Variants in PIK3R6 observed in about 807,000 individuals in gnomAD.
PIK3R6 encodes phosphoinositide-3-kinase regulatory subunit 6, also known as phosphoinositide 3-kinase regulatory subunit 6.
Under a neutral mutation model 84.9 loss-of-function variants are expected in PIK3R6, and 91 were observed. That is an observed-to-expected ratio of 1.07 (90% confidence interval 0.90 to 1.28). The LOEUF is 1.28. Ranked by LOEUF, PIK3R6 falls within the 50% of genes most tolerant of loss-of-function variation. The pLI is 0.00. For synonymous variants in PIK3R6, 416 were observed against 411.4 expected, an observed-to-expected ratio of 1.01 and a Z score of -0.13; for missense variants, 996 against 985.1, an observed-to-expected ratio of 1.01 and a Z score of -0.15.
chr17:8,851,644 ATG>A (rs2088973991), intron 1 of PIK3R6, among the ~76,000 whole-genome samples: 1 of 152,162 alleles, frequency 6.6e-6, no homozygotes, highest in South Asian at 2.1e-4. Flanking sequence ...CTCTGGGAGG[ATG>A]TGGTGCATTG....
rs118016161 is a variant in PIK3R6, at chr17:8,859,734, C to T, written c.-92+7795G>A. On this transcript the variant is annotated intron_variant, in intron 1 of 19. Coordinates refer to ENST00000619866, the MANE Select transcript of PIK3R6 (RefSeq NM_001010855.4). The stretch of plus-strand genomic sequence containing the variant: ...TCAGCGCTCTTGGTTCTCCAGCCTT[C>T]GGACTTGGACTGAGACTGACGCCGT... Among the ~76,000 whole-genome samples the T allele has an allele frequency of 1.2e-3, 183 of 152,278 alleles. No homozygotes were observed. In the East Asian group the frequency reaches 0.026, roughly 22 times the overall value.
chr17:8,852,278 A>G (rs1270504975), intron 1 of PIK3R6, among the ~76,000 whole-genome samples: 2 of 152,222 alleles, frequency 1.3e-5, no homozygotes, highest in African/African-American at 4.8e-5. Context: ...TAAGATGGTA[A>G]ATTTTACATA....
At chr17:8,821,401 C>T (rs1001356586) in intron 17 of PIK3R6, among the ~76,000 whole-genome samples, 9 of 151,898 alleles carry the variant, frequency 5.9e-5, no homozygotes, top group East Asian at 1.9e-4. Context: ...ATTCATAATC[C>T]GTATCGCCAT....
intron 1 of PIK3R6, among the ~76,000 whole-genome samples, chr17:8,860,116 A>G (rs754186662): frequency 1.2e-4 from 18 of 152,240 alleles, no homozygotes; most frequent in Non-Finnish European, 2.1e-4. Context: ...TGAAAGGCAC[A>G]GATAGCTATG....
rs373694633 is a variant in PIK3R6, at chr17:8,828,966, C to T, written c.914G>A (p.Arg305His). ...QLWKELVLFL[R>H]PRSQLRLSAD... Reference sequence around the variant, plus strand: ...ACTGAGGCGCAGCTGGGATCTTGGGCGGAGGAAGAGCACCAGTTCCTTCCC... The same window carrying T: ...ACTGAGGCGCAGCTGGGATCTTGGGTGGAGGAAGAGCACCAGTTCCTTCCC... The change falls in exon 11 of 20, where the codon CGC (arginine) becomes CAC (histidine). Residue 305 changes from arginine to histidine, a missense_variant. By Grantham distance (29) the Arg-to-His change is conservative. Coordinates refer to ENST00000619866, the MANE Select transcript of PIK3R6 (RefSeq NM_001010855.4). 12 of 1,498,812 alleles carry T rather than the reference C, an allele frequency of 8.0e-6. No homozygotes were observed. The Admixed American group carries it at 1.4e-4, about 18-fold the overall frequency. The allele number at this position is 1,498,812 out of a possible 1,614,324, so 92.8% of individuals were successfully genotyped here. A position where few individuals can be genotyped will look rare whatever the true frequency, so the allele number is the denominator to read the frequency against.
chr17:8,829,040 A>C lies in PIK3R6; in HGVS notation c.890-50T>G, dbSNP rs74852706. On this transcript the variant is annotated intron_variant, in intron 10 of 19. Coordinates refer to ENST00000619866, the MANE Select transcript of PIK3R6 (RefSeq NM_001010855.4). Reference sequence around the variant, plus strand: ...GAGGACACGTGAGGCTGGCAGGGCTACGTTTCTGATTTCAGCCAGTCCTCT... The same window carrying C: ...GAGGACACGTGAGGCTGGCAGGGCTCCGTTTCTGATTTCAGCCAGTCCTCT... The C allele has an allele frequency of 4.5e-3, 6,656 of 1,467,360 alleles. 18 individuals are homozygous for C. The highest frequency in any genetic ancestry group is 5.7e-3 in the Non-Finnish European group (6,275 of 1,104,624). 90.9% of individuals were successfully genotyped at this position (1,467,360 alleles called of 1,614,324 possible).
chr17:8,817,341 T>G (rs561049621), intron 18 of PIK3R6, among the ~76,000 whole-genome samples: 3 of 152,362 alleles, frequency 2.0e-5, no homozygotes, highest in Middle Eastern at 3.4e-3. Context: ...AACTTTTGTT[T>G]ATAGGTTAAA....
At chr17:8,863,035 G>T (rs541382073) in intron 1 of PIK3R6, among the ~76,000 whole-genome samples, 5 of 152,290 alleles carry the variant, frequency 3.3e-5, no homozygotes, top group African/African-American at 9.6e-5. Context: ...CTCTCAGAAA[G>T]TTTGCACTCT....
chr17:8,861,319 C>T (rs748076484), intron 1 of PIK3R6, among the ~76,000 whole-genome samples: 1 of 152,086 alleles, frequency 6.6e-6, no homozygotes, highest in Admixed American at 6.6e-5. Flanking sequence ...AGGGTTGCCA[C>T]ACAGGGCCCA....
intron 18 of PIK3R6, among the ~76,000 whole-genome samples, chr17:8,815,504 C>CA (rs200757846): frequency 0.025 from 3,201 of 127,498 alleles, 129 homozygotes; most frequent in African/African-American, 0.093. Context: ...GACTCAGTCT[C>CA]AGAAAAAAAA....
At chr17:8,859,548 G>T (rs771516492) in intron 1 of PIK3R6, among the ~76,000 whole-genome samples, 2 of 152,238 alleles carry the variant, frequency 1.3e-5, no homozygotes, top group Admixed American at 1.3e-4. Context: ...TTCCAGGAAA[G>T]ATGAGCATCT....
rs1164800951 is a variant in PIK3R6 at position 8,823,435 on chromosome 17, G to A, written c.1578C>T (p.Tyr526=). Reference sequence around the variant, plus strand: ...AGATGGGTTGGGTGCCCATGCGGATGTAGTAGGTGATGACGTCTAGGATGA... The same window carrying A: ...AGATGGGTTGGGTGCCCATGCGGATATAGTAGGTGATGACGTCTAGGATGA... ...DPFILDVITY[Y]IRMGTQPIYF... The change falls in exon 14 of 20, where the codon TAC becomes TAT. Residue 526 remains tyrosine (Y), a synonymous_variant. Transcript: ENST00000619866. The A allele has an allele frequency of 1.2e-6, 2 of 1,612,684 alleles. No homozygotes were observed. Among genetic ancestry groups the A allele is most frequent in the East Asian group, 2.2e-5 (1 of 44,856 alleles).
intron 6 of PIK3R6, 79 bp downstream of exon 6, chr17:8,836,712 G>A: frequency 6.2e-7 from 1 of 1,610,346 alleles, no homozygotes; most frequent in Admixed American, 1.7e-5. Flanking sequence ...GAGCTCCCCG[G>A]TATCCTGGAG....
intron 18 of PIK3R6, among the ~76,000 whole-genome samples, chr17:8,805,833 G>A (rs1462657426): frequency 2.6e-5 from 4 of 152,080 alleles, no homozygotes; most frequent in Middle Eastern, 3.4e-3. Context: ...CAGGAGGATC[G>A]CTTGAACCCA....
In PIK3R6 at chr17:8,817,012, A is replaced by G. The variant is rs550451458; in HGVS notation, c.1995+2071T>C. On this transcript the variant is annotated intron_variant, in intron 18 of 19. Transcript: ENST00000619866. Reference sequence around the variant, plus strand: ...TGAGAACTTACTTAAATGTCGTCTTAGAATTTATTTACATAATTATACAGG... The same window carrying G: ...TGAGAACTTACTTAAATGTCGTCTTGGAATTTATTTACATAATTATACAGG... 3.3e-5 allele frequency among the ~76,000 whole-genome samples: 5 copies of G among 152,364 alleles called. No individual in the cohort carries two copies. The East Asian group carries it at 9.6e-4, about 29-fold the overall frequency.
At chr17:8,838,084 C>G (rs900545877) in intron 4 of PIK3R6, among the ~76,000 whole-genome samples, 28 of 151,948 alleles carry the variant, frequency 1.8e-4, no homozygotes, top group Admixed American at 9.2e-4. Context: ...CGTGGGGGGG[C>G]CTCAGAGAAC....
At chr17:8,823,272 A>G (rs550428475) in intron 14 of PIK3R6, 115 bp downstream of exon 14, 8 of 850,872 alleles carry the variant, frequency 9.4e-6, no homozygotes, top group Admixed American at 2.4e-5. Flanking sequence ...GTTAATAACC[A>G]AGAGCGTCTG....
chr17:8,811,603 C>T lies in PIK3R6; in HGVS notation c.1996-7450G>A, dbSNP rs994970146. ...ATTGCTGCTTAGAAGTTTCTTCTGCCAGATACCCTAAATCATATCTCTCAA... is the reference window on the plus strand; with the variant it reads ...ATTGCTGCTTAGAAGTTTCTTCTGCTAGATACCCTAAATCATATCTCTCAA... On this transcript the variant is annotated intron_variant, in intron 18 of 19. Coordinates refer to ENST00000619866, the MANE Select transcript of PIK3R6 (RefSeq NM_001010855.4). Among the ~76,000 whole-genome samples the T allele has an allele frequency of 4.0e-5, 6 of 148,240 alleles. 1 individual carries two copies. The highest frequency in any genetic ancestry group is 3.4e-3 in the Middle Eastern group (1 of 294).
intron 18 of PIK3R6, among the ~76,000 whole-genome samples, chr17:8,816,107 G>A (rs550171594): frequency 5.3e-5 from 8 of 152,246 alleles, no homozygotes; most frequent in African/African-American, 1.9e-4. Flanking sequence ...CTGTGGGGAG[G>A]GGGTCAGTGA....
Sources: allele counts gnomAD v4.1 joint callset (sites outside exome capture counted in the v4.1 genomes callset), GRCh38; gene constraint gnomAD v4.1.1; transcripts MANE v1.5; gene names NCBI Gene and HGNC (gene_info 2026-07-23, HGNC 2026-07-21).